OXCT1: variants seen among roughly 807,000 people sequenced by gnomAD.
The protein encoded by OXCT1 is succinyl-CoA:3-ketoacid coenzyme A transferase 1, mitochondrial.
In OXCT1, 27 loss-of-function variants were observed where a neutral mutation model predicts 69.6. That is an observed-to-expected ratio of 0.39 (90% CI 0.29 to 0.54). The LOEUF (loss-of-function observed/expected upper bound fraction) is 0.54, where lower values mean the gene tolerates loss of function less well. Among genes scored for constraint, OXCT1 ranks in the 20% least tolerant of loss-of-function variants. The probability of loss-of-function intolerance (pLI) is 0.72; values close to 1 mark genes in which losing one functional copy is unlikely to be tolerated. For synonymous variants in OXCT1, 202 were observed against 217.8 expected (o/e 0.93, Z 0.64); for missense variants, 437 against 650.2 (o/e 0.67, Z 3.57).
intron 7 of OXCT1, among the ~76,000 whole-genome samples, chr5:41,824,548 T>C: frequency 6.6e-6 from 1 of 152,128 alleles, no homozygotes; most frequent in East Asian, 1.9e-4. Flanking sequence ...ACCTTGTACA[T>C]TAAAAACATA....
intron 13 of OXCT1, among the ~76,000 whole-genome samples, chr5:41,786,067 G>T (rs374492004): frequency 4.1e-4 from 62 of 152,312 alleles, no homozygotes; most frequent in African/African-American, 1.4e-3. Flanking sequence ...ACAGGTTAAT[G>T]CTTTGTCAAC....
chr5:41,811,043 G>A (rs1336093872), intron 7 of OXCT1, among the ~76,000 whole-genome samples: 1 of 148,972 alleles, frequency 6.7e-6, no homozygotes, highest in Non-Finnish European at 1.5e-5. Context: ...AAGCAATAAT[G>A]TCTAGAATCA....
chr5:41,784,867 G>C (rs1031756933), intron 13 of OXCT1, among the ~76,000 whole-genome samples: 1 of 152,092 alleles, frequency 6.6e-6, no homozygotes, highest in African/African-American at 2.4e-5. Context: ...TCATTGACAG[G>C]ATCTTTCAAG....
At chr5:41,791,782 ACTT>A (rs1745930423) in intron 13 of OXCT1, among the ~76,000 whole-genome samples, 2 of 151,834 alleles carry the variant, frequency 1.3e-5, no homozygotes, top group African/African-American at 4.8e-5. Flanking sequence ...GGTATCCGCA[ACTT>A]CTTTTTTATT....
intron 3 of OXCT1, among the ~76,000 whole-genome samples, chr5:41,857,650 G>A (rs1749494593): frequency 6.6e-6 from 1 of 152,152 alleles, no homozygotes; most frequent in South Asian, 2.1e-4. Context: ...TTTCTTCCAG[G>A]TCCTAGTAAC....
In OXCT1 at chr5:41,794,541, C is replaced by T. The variant is rs1318235750; in HGVS notation, c.1172+136G>A. On this transcript the variant is annotated intron_variant, in intron 12 of 16. Coordinates refer to ENST00000196371, the MANE Select transcript of OXCT1 (RefSeq NM_000436.4). ...ACATTCGATGTGAATAATTTCACAC[C>T]CTGCAGCCGAACAAACTCCTGATAG... 1.8e-5 allele frequency: 14 copies of T among 778,548 alleles called. No homozygotes were observed. In the Admixed American group the frequency reaches 2.9e-4, roughly 16 times the overall value. The allele number at this position is 778,548 out of a possible 1,614,324, so 48.2% of individuals were successfully genotyped here.
intron 7 of OXCT1, among the ~76,000 whole-genome samples, chr5:41,832,751 G>A (rs574157354): frequency 1.3e-5 from 2 of 152,046 alleles, no homozygotes; most frequent in African/African-American, 2.4e-5. Context: ...GAGGAAACAC[G>A]AAGAAATCCA....
intron 13 of OXCT1, among the ~76,000 whole-genome samples, chr5:41,789,134 G>A (rs893805861): frequency 2.0e-5 from 3 of 152,178 alleles, no homozygotes; most frequent in Non-Finnish European, 4.4e-5. Flanking sequence ...TCAAATCAGT[G>A]ATCTAAGGCA....
intron 14 of OXCT1, among the ~76,000 whole-genome samples, chr5:41,759,536 G>A (rs1008524647): frequency 1.3e-5 from 2 of 152,192 alleles, no homozygotes; most frequent in African/African-American, 4.8e-5. Flanking sequence ...CCGTGTGCCT[G>A]ACATACGTTG....
At chr5:41,832,986 A>G (rs1256549220) in intron 7 of OXCT1, among the ~76,000 whole-genome samples, 1 of 152,128 alleles carries the variant, frequency 6.6e-6, no homozygotes, top group Non-Finnish European at 1.5e-5. Flanking sequence ...ATAAAGAACA[A>G]TGAAGCACAC....
intron 13 of OXCT1, among the ~76,000 whole-genome samples, chr5:41,792,661 T>C (rs1405340552): frequency 6.6e-6 from 1 of 152,244 alleles, no homozygotes; most frequent in East Asian, 1.9e-4. Context: ...AATCAAAAGC[T>C]GCTAACCCTT....
At chr5:41,865,231 C>T (rs899715684) in intron 1 of OXCT1, among the ~76,000 whole-genome samples, 14 of 152,146 alleles carry the variant, frequency 9.2e-5, no homozygotes, top group African/African-American at 3.1e-4. Flanking sequence ...CTCACTACCT[C>T]TCCCCTGCCC....
chr5:41,844,013 T>C (rs756062031), intron 5 of OXCT1, among the ~76,000 whole-genome samples: 6 of 152,206 alleles, frequency 3.9e-5, no homozygotes, highest in Non-Finnish European at 7.4e-5. Context: ...ACAATGATAG[T>C]TGAGTGTTTT....
chr5:41,740,958 T>C (rs1176371622), intron 15 of OXCT1, among the ~76,000 whole-genome samples: 1 of 151,612 alleles, frequency 6.6e-6, no homozygotes, highest in African/African-American at 2.4e-5. Context: ...GAATCTTTTT[T>C]TTTTTTTTTT....
In OXCT1 at chr5:41,853,567, T is replaced by C; in HGVS notation, c.279-13A>G. The C allele has an allele frequency of 6.2e-7, 1 of 1,613,264 alleles. No individual in the cohort carries two copies. The highest frequency in any genetic ancestry group is 8.5e-7 in the Non-Finnish European group (1 of 1,179,592). On this transcript the variant is annotated splice_polypyrimidine_tract_variant and intron_variant, in intron 3 of 16. Transcript: ENST00000196371. ...AAAATTGTCAACCCTAGAAGGAAAA[T>C]GAAGGGAGCTTACCAAAGAGCATCT...
intron 2 of OXCT1, among the ~76,000 whole-genome samples, chr5:41,862,432 G>A (rs115233244): frequency 0.018 from 2,786 of 151,796 alleles, 36 homozygotes; most frequent in Non-Finnish European, 0.03. Context: ...ACACATGCAC[G>A]CACACAGAGA....
chr5:41,776,519 A>C (rs1003495926), intron 13 of OXCT1, among the ~76,000 whole-genome samples: 1 of 152,248 alleles, frequency 6.6e-6, no homozygotes, highest in African/African-American at 2.4e-5. Flanking sequence ...CTCAGTAAGG[A>C]GCAATCCTAG....
intron 13 of OXCT1, among the ~76,000 whole-genome samples, chr5:41,778,814 T>G (rs1268758439): frequency 6.6e-6 from 1 of 152,274 alleles, no homozygotes; most frequent in Non-Finnish European, 1.5e-5. Context: ...TTCCTCAAGC[T>G]TTGACACAAA....
At chr5:41,795,615 C>T (rs1746141333) in intron 11 of OXCT1, among the ~76,000 whole-genome samples, 2 of 152,052 alleles carry the variant, frequency 1.3e-5, no homozygotes, top group South Asian at 4.2e-4. Flanking sequence ...CAACAAATAA[C>T]TTCAGTGATA....
Sources: allele counts gnomAD v4.1 joint callset (sites outside exome capture counted in the v4.1 genomes callset), GRCh38; gene constraint gnomAD v4.1.1; transcripts MANE v1.5; gene names NCBI Gene and HGNC (gene_info 2026-07-23, HGNC 2026-07-21).